PLAG1: variants seen among roughly 807,000 people sequenced by gnomAD.
PLAG1 encodes the protein zinc finger protein PLAG1.
A neutral mutation model predicts 35.5 loss-of-function variants in PLAG1; 7 were observed. The observed-to-expected ratio is 0.20, with a 90% CI of 0.11 to 0.37. The LOEUF (loss-of-function observed/expected upper bound fraction) is 0.37. Ranked by LOEUF, PLAG1 falls within the 10% of genes least tolerant of loss-of-function variation. The pLI, the probability that PLAG1 is intolerant of heterozygous loss-of-function variation, is 1.00. For synonymous variants in PLAG1, 229 were observed against 225.4 expected (o/e 1.02, Z -0.14); for missense variants, 454 against 602.8 (o/e 0.75, Z 2.58).
intron 1 of PLAG1, among the ~76,000 whole-genome samples, chr8:56,180,207 A>G (rs1457244578): frequency 5.9e-5 from 9 of 152,236 alleles, no homozygotes; most frequent in Non-Finnish European, 1.2e-4. Flanking sequence ...TAAGAGAGAA[A>G]AAGAAGCCAC....
In PLAG1 at chr8:56,193,790, C is replaced by T. The variant is rs368144308; in HGVS notation, c.-321-14277G>A. Among the ~76,000 whole-genome samples, 125 of 151,702 alleles carry T rather than the reference C, an allele frequency of 8.2e-4. 1 individual carries two copies. The Middle Eastern group carries it at 0.01, about 12-fold the overall frequency. On this transcript the variant is annotated intron_variant, in intron 1 of 4. Transcript: ENST00000316981. ...CCGGCTCACTGCAAGCTCCGCCTCC[C>T]GGGTTCACGCCATTCTCCTGCCTCA...
At chr8:56,171,883 T>C (rs535163917) in intron 2 of PLAG1, among the ~76,000 whole-genome samples, 418 of 151,514 alleles carry the variant, frequency 2.8e-3, no homozygotes, top group African/African-American at 9.3e-3. Context: ...AAGTAGCTTA[T>C]AATGTTTATC....
intron 1 of PLAG1, among the ~76,000 whole-genome samples, chr8:56,207,378 CA>C (rs1367886975): frequency 6.6e-6 from 1 of 151,950 alleles, no homozygotes; most frequent in African/African-American, 2.4e-5. Context: ...ATCAGGATTA[CA>C]TTAAAAATGA....
chr8:56,183,292 A>G (rs898805303), intron 1 of PLAG1, among the ~76,000 whole-genome samples: 8 of 152,252 alleles, frequency 5.3e-5, no homozygotes, highest in Non-Finnish European at 1.2e-4. Flanking sequence ...GCAAAAATAA[A>G]AAATATTTAA....
chr8:56,208,930 T>G (rs1387578263), intron 1 of PLAG1, among the ~76,000 whole-genome samples: 4 of 152,210 alleles, frequency 2.6e-5, no homozygotes, highest in Non-Finnish European at 4.4e-5. Flanking sequence ...AACCCATGCA[T>G]AGGATGGACT....
chr8:56,202,290 T>G (rs1172431094), intron 1 of PLAG1, among the ~76,000 whole-genome samples: 2 of 152,306 alleles, frequency 1.3e-5, no homozygotes, highest in Non-Finnish European at 2.9e-5. Flanking sequence ...TATATTAATT[T>G]TAATACATAT....
At chr8:56,204,262 G>A (rs1426961687) in intron 1 of PLAG1, among the ~76,000 whole-genome samples, 1 of 151,806 alleles carries the variant, frequency 6.6e-6, no homozygotes, top group East Asian at 1.9e-4. Flanking sequence ...AACTCTCTCA[G>A]GGTATGAAGA....
At position 56,167,633 on chromosome 8, in the gene PLAG1, T is replaced by C; in HGVS notation, c.243-130A>G. 1 of 647,742 alleles carries C rather than the reference T, an allele frequency of 1.5e-6. No homozygotes were observed. Among genetic ancestry groups the C allele is most frequent in the Non-Finnish European group, 2.6e-6 (1 of 380,598 alleles). The allele number at this position is 647,742 out of a possible 1,614,324, so 40.1% of individuals were successfully genotyped here. ...GTAATGGAAACTGTTTAACTTAATA[T>C]ATACCACGAGGATAGTTAATATACC... is the stretch of plus-strand genomic sequence containing the variant. On this transcript the variant is annotated intron_variant, in intron 4 of 4. Coordinates refer to ENST00000316981, the MANE Select transcript of PLAG1 (RefSeq NM_002655.3). The surrounding 1 kb of genome is among the most constrained non-coding windows in gnomAD (Gnocchi z 5.9).
rs930779272 is a variant in PLAG1, at chr8:56,165,512, C to T, written c.*731G>A. On this transcript the variant is annotated 3_prime_UTR_variant, in exon 5 of 5. Coordinates refer to ENST00000316981, the MANE Select transcript of PLAG1 (RefSeq NM_002655.3). ...ATAGCATGTTAAGAAGGATGAAACA[C>T]GACAAAATATCCTGTGTACTAATTT... 2.9e-5 allele frequency: 6 copies of T among 208,426 alleles called. No individual in the cohort carries two copies. Among genetic ancestry groups the T allele is most frequent in the African/African-American group, 6.8e-5 (3 of 44,044 alleles). 12.9% of individuals were successfully genotyped at this position (208,426 alleles called of 1,614,324 possible).
intron 1 of PLAG1, among the ~76,000 whole-genome samples, 194 bp downstream of exon 1, chr8:56,210,927 A>ATT (rs1199931126): frequency 6.6e-6 from 1 of 151,538 alleles, no homozygotes; most frequent in Non-Finnish European, 1.5e-5. Flanking sequence ...GCCCCGCGTA[A>ATT]TTATTTTATT....
intron 1 of PLAG1, among the ~76,000 whole-genome samples, chr8:56,180,101 A>G (rs1172976124): frequency 1.3e-5 from 2 of 152,236 alleles, no homozygotes; most frequent in Admixed American, 6.5e-5. Flanking sequence ...ATCCTCAACG[A>G]CATACAAAGA....
intron 1 of PLAG1, among the ~76,000 whole-genome samples, chr8:56,199,207 C>A (rs542263940): frequency 4.6e-5 from 7 of 152,216 alleles, no homozygotes; most frequent in Non-Finnish European, 7.4e-5. Context: ...GCCACCCAAA[C>A]AAAGTGCAAA....
chr8:56,182,492 G>A (rs747704453), intron 1 of PLAG1, among the ~76,000 whole-genome samples: 13 of 151,856 alleles, frequency 8.6e-5, no homozygotes, highest in South Asian at 4.2e-4. Context: ...AAAATGTGGC[G>A]GAAACCACAA....
At chr8:56,196,665 G>A (rs1812376848) in intron 1 of PLAG1, among the ~76,000 whole-genome samples, 1 of 152,094 alleles carries the variant, frequency 6.6e-6, no homozygotes. Flanking sequence ...AGCAGCGTGT[G>A]CACATCTCTT....
chr8:56,168,425 A>T (rs1305044559), intron 3 of PLAG1, 39 bp from the exon 4 acceptor site: 1 of 1,018,344 alleles, frequency 9.8e-7, no homozygotes, highest in Admixed American at 3.7e-5. Context: ...TTGTAACTAA[A>T]CTCAATTTTT....
At chr8:56,172,213 T>C (rs1289958203) in intron 2 of PLAG1, among the ~76,000 whole-genome samples, 2 of 152,198 alleles carry the variant, frequency 1.3e-5, no homozygotes, top group Non-Finnish European at 2.9e-5. Flanking sequence ...CTTGAAGAAT[T>C]TGATGATGTC....
intron 1 of PLAG1, among the ~76,000 whole-genome samples, chr8:56,196,952 G>GTGTGTGTGTC (rs1491422740): frequency 7.1e-5 from 1 of 14,170 alleles, no homozygotes; most frequent in African/African-American, 2.6e-4. Flanking sequence ...CCTAGTGTGC[G>GTGTGTGTGTC]TGTGTGTGTG....
At chr8:56,199,207 C>T (rs542263940) in intron 1 of PLAG1, among the ~76,000 whole-genome samples, 1 of 152,216 alleles carries the variant, frequency 6.6e-6, no homozygotes, top group South Asian at 2.1e-4. Flanking sequence ...GCCACCCAAA[C>T]AAAGTGCAAA....
intron 1 of PLAG1, among the ~76,000 whole-genome samples, chr8:56,209,944 A>C (rs1381785377): frequency 1.3e-5 from 2 of 152,192 alleles, no homozygotes; most frequent in African/African-American, 2.4e-5. Flanking sequence ...TTCCACCCAA[A>C]AAAACCCCGC....
Sources: allele counts gnomAD v4.1 joint callset (sites outside exome capture counted in the v4.1 genomes callset), GRCh38; gene constraint gnomAD v4.1.1; non-coding constraint Gnocchi (gnomAD v3.1); transcripts MANE v1.5; gene names NCBI Gene and HGNC (gene_info 2026-07-23, HGNC 2026-07-21).